Variants in TNFRSF1B observed in about 807,000 individuals in gnomAD.
TNFRSF1B encodes TNF receptor superfamily member 1B.
Under a neutral mutation model 44.6 loss-of-function variants are expected in TNFRSF1B, and 19 were observed. The ratio of observed to expected loss-of-function variants is 0.43; its 90% CI spans 0.30 to 0.62. The LOEUF (loss-of-function observed/expected upper bound fraction) is 0.62, where lower values mean the gene tolerates loss of function less well. TNFRSF1B is among the 20% of genes least tolerant of loss of function. TNFRSF1B has a pLI of 0.16. For synonymous variants in TNFRSF1B, 252 were observed against 261.1 expected, an observed-to-expected ratio of 0.97 and a Z score of 0.34; for missense variants, 541 against 619.9, an observed-to-expected ratio of 0.87 and a Z score of 1.35.
Position 12,168,253 on chromosome 1 carries a change from G to A in TNFRSF1B, c.78+1084G>A, listed in dbSNP as rs1638439651. ...CCCATCTGCCCCCATCTGACATCTT[G>A]ACCGAGGAGGAAGGTGGGAGGTGGC... On this transcript the variant is annotated intron_variant, in intron 1 of 9. Coordinates refer to ENST00000376259, the MANE Select transcript of TNFRSF1B (RefSeq NM_001066.3). This position sits in a 1 kb window ranked among gnomAD's most constrained non-coding sequence, Gnocchi z 4.7. Among the ~76,000 whole-genome samples, 1 of 152,184 alleles carries A rather than the reference G, an allele frequency of 6.6e-6. No individual in the cohort carries two copies.
In TNFRSF1B at chr1:12,171,976, A is replaced by C. The variant is rs1241693044; in HGVS notation, c.78+4807A>C. Among the ~76,000 whole-genome samples the C allele has an allele frequency of 6.6e-6, 1 of 152,034 alleles. No homozygotes were observed. The highest frequency in any genetic ancestry group is 2.4e-5 in the African/African-American group (1 of 41,388). ...GCAGGGTGGGGTTCTGTTTGCCTCCATCTCTTGGGGTATTTTTCTGGGCTC... is the reference window on the plus strand; with the variant it reads ...GCAGGGTGGGGTTCTGTTTGCCTCCCTCTCTTGGGGTATTTTTCTGGGCTC... On this transcript the variant is annotated intron_variant, in intron 1 of 9. Transcript: ENST00000376259. The surrounding 1 kb of genome is among the most constrained non-coding windows in gnomAD (Gnocchi z 4.5).
chr1:12,183,744 T>TCTATTCTATCTACCTAC (rs1638896865), intron 1 of TNFRSF1B, among the ~76,000 whole-genome samples: 7 of 103,756 alleles, frequency 6.7e-5, no homozygotes, highest in Admixed American at 8.8e-5. Flanking sequence ...TATCTATCTA[T>TCTATTCTATCTACCTAC]CTATCTAGCT....
chr1:12,192,466 G>A lies in TNFRSF1B; in HGVS notation c.493G>A (p.Ala165Thr). The change falls in exon 5 of 10, where the codon GCC becomes ACC. Residue 165 changes from alanine (A) to threonine (T), a missense_variant. Physicochemically the swap from Ala to Thr is moderately conservative, Grantham distance 58. Coordinates refer to ENST00000376259, the MANE Select transcript of TNFRSF1B (RefSeq NM_001066.3). The part of the protein sequence containing the change: ...ETSDVVCKPC[A>T]PGTFSNTTSS... ...ATCAGACGTGGTGTGCAAGCCCTGT[G>A]CCCCGGGGACGTTCTCCAACACGAC... The A allele has an allele frequency of 6.2e-7, 1 of 1,614,146 alleles. No individual in the cohort carries two copies. The highest frequency in any genetic ancestry group is 1.1e-5 in the South Asian group (1 of 91,078).
chr1:12,189,708 G>A (rs1639069006), intron 2 of TNFRSF1B, among the ~76,000 whole-genome samples: 1 of 152,242 alleles, frequency 6.6e-6, no homozygotes, highest in Non-Finnish European at 1.5e-5. Context: ...ATTAGGAGAT[G>A]TGTGGTCCTG....
Position 12,177,393 on chromosome 1 carries a change from C to T in TNFRSF1B, c.78+10224C>T, listed in dbSNP as rs561558599. Among the ~76,000 whole-genome samples the T allele has an allele frequency of 5.1e-4, 78 of 152,264 alleles. No individual in the cohort carries two copies. Among genetic ancestry groups the T allele is most frequent in the African/African-American group, 1.5e-3 (64 of 41,558 alleles). ...ACAGGGCCAGCCCGGTCCTGGTCACCGCTGGCTGGTTACCCCGGCTGGGTT... is the reference window on the plus strand; with the variant it reads ...ACAGGGCCAGCCCGGTCCTGGTCACTGCTGGCTGGTTACCCCGGCTGGGTT... On this transcript the variant is annotated intron_variant, in intron 1 of 9. Coordinates refer to ENST00000376259, the MANE Select transcript of TNFRSF1B (RefSeq NM_001066.3). This position sits in a 1 kb window ranked among gnomAD's most constrained non-coding sequence, Gnocchi z 4.3.
intron 2 of TNFRSF1B, 133 bp downstream of exon 2, chr1:12,189,028 T>C: frequency 1.4e-6 from 1 of 704,626 alleles, no homozygotes; most frequent in Non-Finnish European, 2.3e-6. Flanking sequence ...TGCTCCCTGC[T>C]GCTTCTGGGC....
Position 12,187,169 on chromosome 1 carries a change from T to C in TNFRSF1B, c.79-1627T>C, listed in dbSNP as rs1330765797. On this transcript the variant is annotated intron_variant, in intron 1 of 9. Coordinates refer to ENST00000376259, the MANE Select transcript of TNFRSF1B (RefSeq NM_001066.3). The surrounding 1 kb of genome is among the most constrained non-coding windows in gnomAD (Gnocchi z 5.5). ...TTTCTCCCCTCTTTTTTTTTTTTTTTCGAGATGGAGTTTTGCTCTGTCAAT... is the reference window on the plus strand; with the variant it reads ...TTTCTCCCCTCTTTTTTTTTTTTTTCCGAGATGGAGTTTTGCTCTGTCAAT... 2.6e-5 allele frequency among the ~76,000 whole-genome samples: 4 copies of C among 151,500 alleles called. No individual in the cohort carries two copies. The highest frequency in any genetic ancestry group is 5.9e-5 in the Non-Finnish European group (4 of 67,792).
At chr1:12,197,524 G>A (rs952053099) in intron 8 of TNFRSF1B, among the ~76,000 whole-genome samples, 1 of 152,172 alleles carries the variant, frequency 6.6e-6, no homozygotes, top group African/African-American at 2.4e-5. Flanking sequence ...GAGTCCCCAC[G>A]CATCCCTGTG....
chr1:12,170,628 T>C (rs1397223676), intron 1 of TNFRSF1B, among the ~76,000 whole-genome samples: 2 of 150,896 alleles, frequency 1.3e-5, no homozygotes, highest in African/African-American at 4.9e-5. Context: ...GCCGGAGCCA[T>C]GGCATGTATG....
chr1:12,194,167 T>C (rs2101112074), intron 7 of TNFRSF1B, 135 bp downstream of exon 7: 1 of 710,142 alleles, frequency 1.4e-6, no homozygotes, highest in East Asian at 2.6e-5. Flanking sequence ...CTGTAGGAGC[T>C]TAAGGCCTGG....
rs750342650 is a variant in TNFRSF1B at position 12,191,869 on chromosome 1, C to T, written c.403C>T (p.Arg135Trp). The T allele has an allele frequency of 1.6e-5, 26 of 1,611,618 alleles. No homozygotes were observed. Among genetic ancestry groups the T allele is most frequent in the Non-Finnish European group, 2.1e-5 (25 of 1,179,542 alleles). ...CGCGCTGAGCAAGCAGGAGGGGTGCCGGCTGTGCGCGCCGCTGCGCAAGTG... is the reference window on the plus strand; with the variant it reads ...CGCGCTGAGCAAGCAGGAGGGGTGCTGGCTGTGCGCGCCGCTGCGCAAGTG... ...YCALSKQEGC[R>W]LCAPLRKCRP... The change falls in exon 4 of 10, where the codon CGG (arginine) becomes TGG (tryptophan). Residue 135 changes from arginine to tryptophan, a missense_variant. Transcript: ENST00000376259.
At chr1:12,196,431 C>G (rs902514241) in intron 8 of TNFRSF1B, among the ~76,000 whole-genome samples, 4 of 152,232 alleles carry the variant, frequency 2.6e-5, no homozygotes, top group African/African-American at 4.8e-5. Context: ...CCAGTGGTGA[C>G]AATCAAAAAT....
intron 5 of TNFRSF1B, 73 bp from the exon 6 acceptor site, chr1:12,192,790 C>A: frequency 1.5e-6 from 2 of 1,306,462 alleles, no homozygotes; most frequent in East Asian, 2.5e-5. Flanking sequence ...CCTGCTGGGG[C>A]CCGTGAATGA....
chr1:12,174,166 C>CTT (rs1557623710), intron 1 of TNFRSF1B, among the ~76,000 whole-genome samples: 188 of 55,772 alleles, frequency 3.4e-3, no homozygotes, highest in South Asian at 8.1e-3. Context: ...TTCTTCTTCT[C>CTT]CTTCTCCTTC....
At chr1:12,175,836 C>T (rs1027794798) in intron 1 of TNFRSF1B, among the ~76,000 whole-genome samples, 2 of 152,162 alleles carry the variant, frequency 1.3e-5, no homozygotes, top group African/African-American at 2.4e-5. Flanking sequence ...ACCTCCTAAC[C>T]GCTGAGCCCT....
intron 7 of TNFRSF1B, among the ~76,000 whole-genome samples, 182 bp downstream of exon 7, chr1:12,194,214 C>A (rs1001461917): frequency 1.3e-5 from 2 of 152,040 alleles, no homozygotes; most frequent in Non-Finnish European, 2.9e-5. Flanking sequence ...TACTAAAAGG[C>A]AAGAGGTGAT....
intron 1 of TNFRSF1B, among the ~76,000 whole-genome samples, chr1:12,176,779 A>G (rs1432300003): frequency 6.6e-6 from 1 of 152,234 alleles, no homozygotes; most frequent in Admixed American, 6.5e-5. Context: ...GAGGCTGTCA[A>G]CATGGTTCAG....
intron 9 of TNFRSF1B, among the ~76,000 whole-genome samples, chr1:12,206,015 A>G (rs1034989301): frequency 1.3e-5 from 2 of 152,132 alleles, no homozygotes; most frequent in Non-Finnish European, 2.9e-5. Flanking sequence ...CTCTGGGCCC[A>G]AGCAGCTGGG....
rs369253271 is a variant in TNFRSF1B, at chr1:12,199,770, C to T, written c.901-2197C>T. ...CTCTCACCTCCCGCTGCAGTGCTGGCGAGCCCCATCAGCCCTTCACTCATC... is the reference window on the plus strand; with the variant it reads ...CTCTCACCTCCCGCTGCAGTGCTGGTGAGCCCCATCAGCCCTTCACTCATC... On this transcript the variant is annotated intron_variant, in intron 8 of 9. Transcript: ENST00000376259. This position sits in a 1 kb window ranked among gnomAD's most constrained non-coding sequence, Gnocchi z 4.0. Among the ~76,000 whole-genome samples, 6 of 152,300 alleles carry T rather than the reference C, an allele frequency of 3.9e-5. No homozygotes were observed. The highest frequency in any genetic ancestry group is 9.6e-5 in the African/African-American group (4 of 41,560).
Sources: gnomAD v4.1 joint callset for allele counts (sites outside exome capture counted in the v4.1 genomes callset) on GRCh38, gnomAD v4.1.1 for gene constraint, Gnocchi (gnomAD v3.1) non-coding constraint, MANE v1.5 for transcripts, NCBI Gene and HGNC (gene_info 2026-07-23, HGNC 2026-07-21) for gene names.